The following LRMDA variants were observed in gnomAD, a reference collection of about 807,000 sequenced individuals.
LRMDA encodes leucine-rich melanocyte differentiation-associated protein.
In LRMDA, 18 loss-of-function variants were observed where a neutral mutation model predicts 29.8. The observed-to-expected ratio is 0.60, with a 90% CI of 0.42 to 0.90. The LOEUF (loss-of-function observed/expected upper bound fraction) is 0.90. Among genes scored for constraint, LRMDA ranks in the 40% least tolerant of loss-of-function variants. LRMDA has a pLI of 0.00. For synonymous variants in LRMDA, 125 were observed against 109.4 expected (o/e 1.14, Z -0.89); for missense variants, 273 against 273.9 (o/e 1.00, Z 0.02).
intron 5 of LRMDA, among the ~76,000 whole-genome samples, chr10:76,092,709 T>C (rs145874234): frequency 3.5e-3 from 540 of 152,320 alleles, no homozygotes; most frequent in African/African-American, 0.013. Flanking sequence ...TTTTCGGTAG[T>C]TGCTGTGATT....
At chr10:76,199,530 T>C (rs1170349252) in intron 5 of LRMDA, among the ~76,000 whole-genome samples, 2 of 152,184 alleles carry the variant, frequency 1.3e-5, no homozygotes, top group Admixed American at 6.5e-5. Context: ...TTGACACCCA[T>C]GCAGCAAGTA....
At chr10:75,959,107 C>T (rs895712760) in intron 2 of LRMDA, among the ~76,000 whole-genome samples, 4 of 152,278 alleles carry the variant, frequency 2.6e-5, no homozygotes, top group East Asian at 1.9e-4. Context: ...CAAATGGATC[C>T]GCCTTAAGAG....
intron 6 of LRMDA, among the ~76,000 whole-genome samples, chr10:76,527,161 G>A (rs1372831850): frequency 6.6e-6 from 1 of 151,284 alleles, no homozygotes; most frequent in Non-Finnish European, 1.5e-5. Context: ...CCATTTTGAT[G>A]TCATAGTGAA....
rs574246642 is a variant in LRMDA, at chr10:76,407,551, G to A, written c.601+83066G>A. Among the ~76,000 whole-genome samples, 38 of 152,150 alleles carry A rather than the reference G, an allele frequency of 2.5e-4. 1 individual carries two copies. In the South Asian group the frequency reaches 5.8e-3, roughly 23 times the overall value. ...AATTAGAATAACGAACCTTTGTCTC[G>A]TTATCTCATGCAACTCACAACAACC... On this transcript the variant is annotated intron_variant, in intron 6 of 6. Transcript: ENST00000611255.
intron 2 of LRMDA, among the ~76,000 whole-genome samples, chr10:75,977,430 T>C (rs1847092707): frequency 6.6e-6 from 1 of 152,148 alleles, no homozygotes; most frequent in African/African-American, 2.4e-5. Context: ...GGGCCACACG[T>C]CCCCCTCTGT....
intron 4 of LRMDA, among the ~76,000 whole-genome samples, chr10:76,054,291 C>T (rs943834957): frequency 1.2e-4 from 19 of 152,090 alleles, no homozygotes; most frequent in African/African-American, 3.6e-4. Context: ...GGCTGGCCCA[C>T]GGGATGGGTG....
intron 6 of LRMDA, among the ~76,000 whole-genome samples, chr10:76,449,794 G>A (rs973797070): frequency 6.6e-6 from 1 of 151,902 alleles, no homozygotes; most frequent in Non-Finnish European, 1.5e-5. Flanking sequence ...AGTTTCTAAT[G>A]AGAAATGTAA....
intron 2 of LRMDA, among the ~76,000 whole-genome samples, chr10:75,695,164 T>C (rs1842218649): frequency 1.3e-5 from 2 of 152,168 alleles, no homozygotes; most frequent in South Asian, 2.1e-4. Context: ...TGTGTCTTGC[T>C]TTTTTTAAAT....
chr10:76,110,175 A>G (rs1401227299), intron 5 of LRMDA, among the ~76,000 whole-genome samples: 1 of 152,004 alleles, frequency 6.6e-6, no homozygotes, highest in Non-Finnish European at 1.5e-5. Context: ...ATCTCAGCAA[A>G]TGGCACTGTC....
intron 2 of LRMDA, among the ~76,000 whole-genome samples, chr10:75,620,575 T>C (rs888332760): frequency 6.6e-6 from 1 of 152,232 alleles, no homozygotes; most frequent in African/African-American, 2.4e-5. Context: ...TGGTCTTTGG[T>C]ATATACAGTC....
At chr10:75,556,644 C>T (rs1030243759) in intron 2 of LRMDA, among the ~76,000 whole-genome samples, 3 of 151,896 alleles carry the variant, frequency 2.0e-5, no homozygotes, top group Non-Finnish European at 2.9e-5. Flanking sequence ...GCTATTTAGC[C>T]CCTGAACTCT....
rs571647567 is a variant in LRMDA, at chr10:76,154,804, G to A, written c.516+96021G>A. On this transcript the variant is annotated intron_variant, in intron 5 of 6. Coordinates refer to ENST00000611255, the MANE Select transcript of LRMDA (RefSeq NM_001305581.2). ...TTAGCAAGGCGGGACTTGTGCAGTG[G>A]CTCCATTGTGGCAGGGAGTCAGCTC... Among the ~76,000 whole-genome samples, 8 of 152,286 alleles carry A rather than the reference G, an allele frequency of 5.3e-5. No homozygotes were observed. The East Asian group carries it at 7.7e-4, about 15-fold the overall frequency.
At position 76,498,121 on chromosome 10, in the gene LRMDA, G is replaced by A. The variant is rs535787438; in HGVS notation, c.602-59088G>A. Among the ~76,000 whole-genome samples, 31 of 75,632 alleles carry A rather than the reference G, an allele frequency of 4.1e-4. 10 individuals are homozygous for A. The highest frequency in any genetic ancestry group is 1.0e-3 in the African/African-American group (31 of 31,124). The allele number at this position is 75,632 out of a possible 152,430, so 49.6% of individuals were successfully genotyped here. Reference sequence around the variant, plus strand: ...ATTAATTTCATGGAAGCTACTTAATGGTCTTGCAAATTGGAACAGTTGTAA... The same window carrying A: ...ATTAATTTCATGGAAGCTACTTAATAGTCTTGCAAATTGGAACAGTTGTAA... On this transcript the variant is annotated intron_variant, in intron 6 of 6. Coordinates refer to ENST00000611255, the MANE Select transcript of LRMDA (RefSeq NM_001305581.2).
At chr10:76,208,105 T>C (rs957277148) in intron 5 of LRMDA, among the ~76,000 whole-genome samples, 1 of 152,140 alleles carries the variant, frequency 6.6e-6, no homozygotes, top group African/African-American at 2.4e-5. Context: ...TTGTACAAGA[T>C]TGGTAAACAT....
chr10:75,979,156 T>C (rs897108335), intron 2 of LRMDA, among the ~76,000 whole-genome samples: 1 of 152,190 alleles, frequency 6.6e-6, no homozygotes, highest in Non-Finnish European at 1.5e-5. Flanking sequence ...TTAGTCATTG[T>C]TCTTATTGTT....
intron 2 of LRMDA, among the ~76,000 whole-genome samples, chr10:75,510,664 C>G (rs1845215129): frequency 6.6e-6 from 1 of 152,184 alleles, no homozygotes; most frequent in African/African-American, 2.4e-5. Context: ...GGTTTGCTCT[C>G]TTGGCCAGTT....
intron 6 of LRMDA, among the ~76,000 whole-genome samples, chr10:76,547,145 A>G (rs151140125): frequency 6.6e-6 from 1 of 152,162 alleles, no homozygotes; most frequent in African/African-American, 2.4e-5. Flanking sequence ...CTGTCAAATG[A>G]TGGCATATCT....
intron 5 of LRMDA, among the ~76,000 whole-genome samples, chr10:76,129,166 CCAATTGA>C (rs1355147905): frequency 6.6e-6 from 1 of 152,164 alleles, no homozygotes; most frequent in African/African-American, 2.4e-5. Context: ...CCAGGGCCAT[CCAATTGA>C]CAAGTGAACC....
intron 2 of LRMDA, among the ~76,000 whole-genome samples, chr10:75,930,682 C>T (rs1383943474): frequency 6.6e-6 from 1 of 152,192 alleles, no homozygotes; most frequent in Non-Finnish European, 1.5e-5. Context: ...GAGCCTTCAT[C>T]TATCTCCACT....
Sources: gnomAD v4.1 joint callset for allele counts (sites outside exome capture counted in the v4.1 genomes callset) on GRCh38, gnomAD v4.1.1 for gene constraint, MANE v1.5 for transcripts, NCBI Gene and HGNC (gene_info 2026-07-23, HGNC 2026-07-21) for gene names.